DYNC2I2: variants seen among roughly 807,000 people sequenced by gnomAD.
DYNC2I2 encodes dynein 2 intermediate chain 2, also known as cytoplasmic dynein 2 intermediate chain 2.
A neutral mutation model predicts 52.0 loss-of-function variants in DYNC2I2; 39 were observed. The ratio of observed to expected loss-of-function variants is 0.75; its 90% CI spans 0.58 to 0.98. The LOEUF is 0.98. Ranked by LOEUF, DYNC2I2 falls within the 50% of genes least tolerant of loss-of-function variation. The pLI, the probability that DYNC2I2 is intolerant of heterozygous loss-of-function variation, is 0.00. For missense variants in DYNC2I2, 743 were observed against 728.4 expected (o/e 1.02, Z -0.23); for synonymous variants, 359 against 321.1 (o/e 1.12, Z -1.26).
chr9:128,684,067 G>A, the DYNC2I2 span: 2 of 1,340,590 alleles, frequency 1.5e-6, no homozygotes, highest in Admixed American at 2.0e-5. Flanking sequence ...TTGACTCTCT[G>A]ATTTTTACCC....
chr9:128,665,310 CA>C, the DYNC2I2 span, among the ~76,000 whole-genome samples: 1 of 151,998 alleles, frequency 6.6e-6, no homozygotes, highest in African/African-American at 2.4e-5. Context: ...CTCGGCCTCC[CA>C]AAGTGCTGGG....
chr9:128,671,023 C>A, the DYNC2I2 span, among the ~76,000 whole-genome samples: 1 of 148,380 alleles, frequency 6.7e-6, no homozygotes, highest in Non-Finnish European at 1.5e-5. Context: ...GCCCAGATTG[C>A]ACCATTGCAC....
At chr9:128,646,148 A>C (rs1254608289) in intron 1 of DYNC2I2, among the ~76,000 whole-genome samples, 1 of 152,102 alleles carries the variant, frequency 6.6e-6, no homozygotes, top group Non-Finnish European at 1.5e-5. Context: ...AGTTCTCCAG[A>C]AGATCTAGCT....
chr9:128,633,680 T>A lies in DYNC2I2; in HGVS notation c.*64A>T. The A allele has an allele frequency of 1.3e-6, 2 of 1,528,318 alleles. No homozygotes were observed. Among genetic ancestry groups the A allele is most frequent in the Non-Finnish European group, 1.8e-6 (2 of 1,127,570 alleles). The allele number at this position is 1,528,318 out of a possible 1,614,324, so 94.7% of individuals were successfully genotyped here. A position where few individuals can be genotyped will look rare whatever the true frequency, so the allele number is the denominator to read the frequency against. On this transcript the variant is annotated 3_prime_UTR_variant, in exon 9 of 9. Coordinates refer to ENST00000372715, the MANE Select transcript of DYNC2I2 (RefSeq NM_052844.4). ...CCCCCAAAGCTTTGCTTTTCTTCAT[T>A]TGGCTTGCGTCAGAAACACAAGGCT...
chr9:128,652,722 C>G (rs1336585277), intron 1 of DYNC2I2, among the ~76,000 whole-genome samples: 2 of 150,164 alleles, frequency 1.3e-5, no homozygotes, highest in East Asian at 3.9e-4. Flanking sequence ...GAGTTCGAAA[C>G]CAGCCTGACC....
intron 1 of DYNC2I2, among the ~76,000 whole-genome samples, chr9:128,642,192 C>T: frequency 6.8e-6 from 1 of 148,128 alleles, no homozygotes; most frequent in East Asian, 2.0e-4. Flanking sequence ...GAGGCTGAGG[C>T]AGGAGAATGG....
At chr9:128,660,860 G>C (rs1256171437), upstream of DYNC2I2, among the ~76,000 whole-genome samples, 1 of 151,632 alleles carries the variant, frequency 6.6e-6, no homozygotes, top group Admixed American at 6.6e-5. Context: ...CTCCCAAGTA[G>C]CTGGGACTAC....
the DYNC2I2 span, among the ~76,000 whole-genome samples, chr9:128,665,108 A>G: frequency 1.4e-4 from 20 of 144,578 alleles, no homozygotes; most frequent in Non-Finnish European, 1.8e-4. Context: ...TCTGGAGTAC[A>G]TTGGCGCAAT....
intron 3 of DYNC2I2, 106 bp from the exon 4 acceptor site, chr9:128,636,544 A>C (rs1184345143): frequency 7.9e-7 from 1 of 1,267,992 alleles, no homozygotes; most frequent in Non-Finnish European, 1.1e-6. Context: ...TGTCCTTGTC[A>C]CCACCAGACA....
chr9:128,665,463 G>A, the DYNC2I2 span, among the ~76,000 whole-genome samples: 4,163 of 152,038 alleles, frequency 0.027, 183 homozygotes, highest in African/African-American at 0.096. Flanking sequence ...TAATCAACAC[G>A]TATTGAATAA....
chr9:128,640,365 A>G (rs1057269225), intron 2 of DYNC2I2, among the ~76,000 whole-genome samples: 1 of 152,156 alleles, frequency 6.6e-6, no homozygotes, highest in African/African-American at 2.4e-5. Flanking sequence ...TGCACCGTAC[A>G]TGGGGAGGCA....
chr9:128,661,411 G>A (rs970043680), upstream of DYNC2I2, among the ~76,000 whole-genome samples: 1 of 151,774 alleles, frequency 6.6e-6, no homozygotes, highest in Non-Finnish European at 1.5e-5. Context: ...CTGAGGTCAG[G>A]AGTTCAAGAC....
At chr9:128,655,511 C>CAAA (rs34804977) in intron 1 of DYNC2I2, among the ~76,000 whole-genome samples, 1 of 119,870 alleles carries the variant, frequency 8.3e-6, no homozygotes, top group Non-Finnish European at 1.8e-5. Context: ...ACTCCGTCTC[C>CAAA]AAAAAAAAAA....
chr9:128,657,263 T>C (rs2132192538), upstream of DYNC2I2, among the ~76,000 whole-genome samples: 1 of 152,300 alleles, frequency 6.6e-6, no homozygotes. Flanking sequence ...GTTAAAAAGC[T>C]GGGAGGCCCA....
At position 128,633,797 on chromosome 9, in the gene DYNC2I2, C is replaced by T. The variant is rs1015222339; in HGVS notation, c.1558G>A (p.Gly520Arg). 4 of 1,613,640 alleles carry T rather than the reference C, an allele frequency of 2.5e-6. No homozygotes were observed. The highest frequency in any genetic ancestry group is 1.3e-5 in the African/African-American group (1 of 75,066). Residue 520 changes from glycine to arginine, a missense_variant, in exon 9 of 9, where the codon GGG becomes AGG. Physicochemically the swap from Gly to Arg is moderately radical, Grantham distance 125. Coordinates refer to ENST00000372715, the MANE Select transcript of DYNC2I2 (RefSeq NM_052844.4). ...WQLSTEFTEQGPREAEDLDCL... is the reference protein window; with the variant it reads ...WQLSTEFTEQRPREAEDLDCL... ...TCCAGGTCCTCAGCTTCCCGGGGCC[C>T]TTGTTCCGTGAACTCTGTGCTCAGC...
At chr9:128,638,479 T>C (rs1860454240) in intron 2 of DYNC2I2, among the ~76,000 whole-genome samples, 1 of 150,744 alleles carries the variant, frequency 6.6e-6, no homozygotes, top group South Asian at 2.1e-4. Context: ...ATCACGCCAT[T>C]GCACTCCAGC....
chr9:128,683,848 G>T, the DYNC2I2 span: 2 of 1,481,458 alleles, frequency 1.4e-6, no homozygotes, highest in East Asian at 2.5e-5. Context: ...GCCTGCTTCC[G>T]GACGGGCGAG....
Position 128,640,785 on chromosome 9 carries a change from C to T in DYNC2I2, c.341G>A (p.Arg114Lys), listed in dbSNP as rs1300479437. Residue 114 changes from arginine to lysine, a missense_variant, in exon 2 of 9, where the codon AGA (arginine) becomes AAA (lysine). By Grantham distance (26) the Arg-to-Lys change is conservative (BLOSUM62 2). Coordinates refer to ENST00000372715, the MANE Select transcript of DYNC2I2 (RefSeq NM_052844.4). Reference sequence around the variant, plus strand: ...CTCTCGGATGACCATGGCCTCCACTCTCCGAAGAAAGGCTGCGAGCCTGGG... The same window carrying T: ...CTCTCGGATGACCATGGCCTCCACTTTCCGAAGAAAGGCTGCGAGCCTGGG... ...DIPRLAAFLR[R>K]VEAMVIRELN... 17 of 1,614,096 alleles carry T rather than the reference C, an allele frequency of 1.1e-5. No homozygotes were observed. Among genetic ancestry groups the T allele is most frequent in the Non-Finnish European group, 1.4e-5 (17 of 1,180,058 alleles).
rs935710110 is a variant in DYNC2I2 at position 128,636,377 on chromosome 9, G to A, written c.607C>T (p.Arg203Ter). The change falls in exon 4 of 9, where the codon CGA (arginine) becomes TGA (stop). Residue 203 changes from arginine to a stop codon, truncating the protein, a stop_gained. Coordinates refer to ENST00000372715, the MANE Select transcript of DYNC2I2 (RefSeq NM_052844.4). LOFTEE classifies it high-confidence loss of function. ...GACGGCTGCTGGGGACGCAGGTCTC[G>A]CCGGTCCAGGTTCCAGGCACACACG... ...SFVCAWNLDR[R>*]DLRPQQPSAV... The A allele has an allele frequency of 6.8e-6, 11 of 1,609,776 alleles. No individual in the cohort carries two copies. The highest frequency in any genetic ancestry group is 9.3e-6 in the Non-Finnish European group (11 of 1,178,554).
Sources: allele counts gnomAD v4.1 joint callset (sites outside exome capture counted in the v4.1 genomes callset), GRCh38; gene constraint gnomAD v4.1.1; transcripts MANE v1.5; gene names NCBI Gene and HGNC (gene_info 2026-07-23, HGNC 2026-07-21).